CLTC: variants seen among roughly 807,000 people sequenced by gnomAD.
The protein encoded by CLTC is clathrin heavy chain.
Under a neutral mutation model 195.8 loss-of-function variants are expected in CLTC, and 16 were observed. The observed-to-expected ratio is 0.08, with a 90% CI of 0.06 to 0.12. CLTC has a LOEUF of 0.12. Ranked by LOEUF, CLTC falls within the 10% of genes least tolerant of loss-of-function variation. CLTC has a pLI of 1.00. For missense variants in CLTC, 796 were observed against 2,027.0 expected (o/e 0.39, Z 11.66); for synonymous variants, 667 against 689.4 (o/e 0.97, Z 0.51).
intron 1 of CLTC, among the ~76,000 whole-genome samples, chr17:59,640,580 A>G (rs2143484462): frequency 6.6e-6 from 1 of 151,804 alleles, no homozygotes; most frequent in South Asian, 2.1e-4. Context: ...TTGTATTTTT[A>G]GTAGAAACGG....
intron 2 of CLTC, chr17:59,645,912 G>A (rs60164173): frequency 0.16 from 33,099 of 207,088 alleles, 3,817 homozygotes; most frequent in East Asian, 0.45. Flanking sequence ...CAATTCCCAT[G>A]CCTCTCTATT....
intron 1 of CLTC, among the ~76,000 whole-genome samples, chr17:59,641,963 T>G (rs1037849633): frequency 6.6e-6 from 1 of 151,344 alleles, no homozygotes. Flanking sequence ...GCTGGGATTA[T>G]AGGTGTGAAC....
chr17:59,693,551 T>C (rs2033357446), intron 31 of CLTC, among the ~76,000 whole-genome samples, 177 bp from the exon 32 acceptor site: 1 of 152,164 alleles, frequency 6.6e-6, no homozygotes, highest in Admixed American at 6.5e-5. Context: ...GTAGGAACCT[T>C]CTTAGAGTAA....
intron 4 of CLTC, among the ~76,000 whole-genome samples, chr17:59,649,343 A>G (rs955345513): frequency 5.3e-5 from 8 of 152,154 alleles, no homozygotes; most frequent in African/African-American, 1.9e-4. Flanking sequence ...TTTGACTACT[A>G]TTTCCACTAC....
intron 14 of CLTC, among the ~76,000 whole-genome samples, chr17:59,673,278 A>G (rs1358638623): frequency 6.6e-6 from 1 of 152,184 alleles, no homozygotes; most frequent in Non-Finnish European, 1.5e-5. Flanking sequence ...ATGTTTGACA[A>G]TGTGACTATA....
rs758438882 is a variant in CLTC at position 59,690,715 on chromosome 17, ATC to A, written c.4903+12_4903+13del. 3.0e-5 allele frequency: 48 copies of A among 1,606,348 alleles called. No homozygotes were observed. The highest frequency in any genetic ancestry group is 1.8e-4 in the South Asian group (16 of 90,638). On this transcript the variant is annotated splice_donor_5th_base_variant and intron_variant, in intron 31 of 31. Coordinates refer to ENST00000269122, the MANE Select transcript of CLTC (RefSeq NM_004859.4). ...GAGACACAACCCATTGTTTATGGTA[ATC>A]TCTCTCTGTAACCTCAAAAAATTCA...
At position 59,685,602 on chromosome 17, in the gene CLTC, G is replaced by A; in HGVS notation, c.4621G>A (p.Ala1541Thr). Residue 1541 changes from alanine (A) to threonine (T), a missense_variant, in exon 30 of 32, where the codon GCT becomes ACT. By Grantham distance (58) the Ala-to-Thr change is moderately conservative (BLOSUM62 0). Transcript: ENST00000269122. The surrounding 1 kb of genome is among the most constrained non-coding windows in gnomAD (Gnocchi z 5.0). ...CTTTGAATAGGATGCAATGCAGTAT[G>A]CTTCTGAATCTAAAGATACTGAATT... ...DSLYKDAMQYASESKDTELAE... is the reference protein window; with the variant it reads ...DSLYKDAMQYTSESKDTELAE... 6.2e-7 allele frequency: 1 copy of A among 1,613,572 alleles called. No individual in the cohort carries two copies. Among genetic ancestry groups the A allele is most frequent in the Non-Finnish European group, 8.5e-7 (1 of 1,179,528 alleles).
Position 59,673,693 on chromosome 17 carries a change from G to A in CLTC, c.2339G>A (p.Arg780Gln). 1.2e-6 allele frequency: 2 copies of A among 1,608,740 alleles called. No homozygotes were observed. The highest frequency in any genetic ancestry group is 1.1e-5 in the South Asian group (1 of 90,940). ...CTACCACTTATCATTGTGTGTGATC[G>A]ATTTGACTTTGTCCATGATTTGGTG... The part of the protein sequence containing the change: ...DQLPLIIVCD[R>Q]FDFVHDLVLY... The change falls in exon 15 of 32, where the codon CGA becomes CAA. Residue 780 changes from arginine (R) to glutamine (Q), a missense_variant. Transcript: ENST00000269122.
intron 13 of CLTC, among the ~76,000 whole-genome samples, chr17:59,668,329 T>C (rs2032775884): frequency 1.3e-5 from 2 of 152,232 alleles, no homozygotes; most frequent in African/African-American, 4.8e-5. Context: ...GGCCAAGTGC[T>C]TGGGGCCACA....
At chr17:59,668,728 A>G (rs774948240) in intron 13 of CLTC, 49 bp from the exon 14 acceptor site, 3 of 1,469,572 alleles carry the variant, frequency 2.0e-6, no homozygotes, top group African/African-American at 2.9e-5. Flanking sequence ...TTTTTCAGTC[A>G]TTCTCAAAAG....
chr17:59,680,266 AGT>A (rs1567968357), intron 18 of CLTC, among the ~76,000 whole-genome samples: 1 of 152,186 alleles, frequency 6.6e-6, no homozygotes, highest in Non-Finnish European at 1.5e-5. Context: ...CAAGTGCATC[AGT>A]GTTATATCTT....
At position 59,683,220 on chromosome 17, in the gene CLTC, G is replaced by T; in HGVS notation, c.3999G>T (p.Arg1333Ser). The change falls in exon 25 of 32, where the codon AGG becomes AGT. Residue 1333 changes from arginine to serine, a missense_variant. Physicochemically the swap from Arg to Ser is moderately radical, Grantham distance 110. Transcript: ENST00000269122. The surrounding 1 kb of genome is among the most constrained non-coding windows in gnomAD (Gnocchi z 6.1). ...CTAAATTTAAGCCTCAGAAAATGAGGGAGCACCTGGAGCTGTTCTGGTCTA... is the reference window on the plus strand; with the variant it reads ...CTAAATTTAAGCCTCAGAAAATGAGTGAGCACCTGGAGCTGTTCTGGTCTA... The part of the protein sequence containing the change: ...LYSKFKPQKM[R>S]EHLELFWSRV... 6.2e-7 allele frequency: 1 copy of T among 1,614,078 alleles called. No individual in the cohort carries two copies.
At chr17:59,647,792 CT>C (rs556951531) in intron 3 of CLTC, 126 bp downstream of exon 3, 146 of 845,368 alleles carry the variant, frequency 1.7e-4, no homozygotes, top group Middle Eastern at 7.8e-4. Flanking sequence ...TTTTGGAAGA[CT>C]TTTTTTTTCC....
intron 4 of CLTC, among the ~76,000 whole-genome samples, chr17:59,650,944 T>G (rs1441130460): frequency 1.3e-5 from 2 of 152,214 alleles, no homozygotes; most frequent in Non-Finnish European, 2.9e-5. Context: ...TTTTGTCACT[T>G]TAGAAATGTT....
chr17:59,681,843 T>G lies in CLTC; in HGVS notation c.3442+4T>G, dbSNP rs754047435. 6.2e-7 allele frequency: 1 copy of G among 1,606,744 alleles called. No homozygotes were observed. The highest frequency in any genetic ancestry group is 1.1e-5 in the South Asian group (1 of 90,448). ...GTTCAGGCTGCCAATACTAGTGGTA[T>G]GACTTCTTACCTTATGTATTGAAAC... is the stretch of plus-strand genomic sequence containing the variant. On this transcript the variant is annotated splice_donor_region_variant and intron_variant, in intron 21 of 31. Transcript: ENST00000269122. This position sits in a 1 kb window ranked among gnomAD's most constrained non-coding sequence, Gnocchi z 5.0.
chr17:59,644,845 C>T (rs1598212288), intron 2 of CLTC, among the ~76,000 whole-genome samples: 1 of 152,300 alleles, frequency 6.6e-6, no homozygotes, highest in South Asian at 2.1e-4. Context: ...GCCACCACGC[C>T]CAGCCAGCTC....
intron 10 of CLTC, 145 bp from the exon 11 acceptor site, chr17:59,665,958 A>G (rs1470211091): frequency 4.1e-6 from 2 of 483,316 alleles, no homozygotes; most frequent in Non-Finnish European, 3.7e-6. Flanking sequence ...CAAAATAACT[A>G]TGATCCCTAG....
rs774440546 is a variant in CLTC, at chr17:59,685,787, C to T, written c.4806C>T (p.Val1602=). The change falls in exon 30 of 32, where the codon GTC becomes GTT. Residue 1602 remains valine (V), a synonymous_variant. Transcript: ENST00000269122. This position sits in a 1 kb window ranked among gnomAD's most constrained non-coding sequence, Gnocchi z 5.0. The part of the protein sequence containing the change: ...MDFAMPYFIQ[V]MKEYLTKVDK... ...TTGCCATGCCCTATTTCATCCAGGT[C>T]ATGAAGGAGTACTTGACAAAGGTAA... 1.9e-6 allele frequency: 3 copies of T among 1,613,780 alleles called. No individual in the cohort carries two copies. Among genetic ancestry groups the T allele is most frequent in the South Asian group, 2.2e-5 (2 of 91,054 alleles).
At chr17:59,680,011 C>T (rs1178411742) in intron 18 of CLTC, among the ~76,000 whole-genome samples, 1 of 152,016 alleles carries the variant, frequency 6.6e-6, no homozygotes. Flanking sequence ...CACGCCATTG[C>T]ACTCCAGCCT....
Sources: gnomAD v4.1 joint callset for allele counts (sites outside exome capture counted in the v4.1 genomes callset) on GRCh38, gnomAD v4.1.1 for gene constraint, Gnocchi (gnomAD v3.1) non-coding constraint, MANE v1.5 for transcripts, NCBI Gene and HGNC (gene_info 2026-07-23, HGNC 2026-07-21) for gene names.